The following SERGEF variants were observed in gnomAD, a reference collection of about 807,000 sequenced individuals.
SERGEF encodes the protein secretion-regulating guanine nucleotide exchange factor.
Under a neutral mutation model 50.0 loss-of-function variants are expected in SERGEF, and 51 were observed. That is an observed-to-expected ratio of 1.02 (90% CI 0.81 to 1.29). The LOEUF is 1.29. SERGEF is among the 50% of genes most tolerant of loss of function. SERGEF has a pLI of 0.00. For missense variants in SERGEF, 521 were observed against 557.0 expected, an observed-to-expected ratio of 0.94 and a Z score of 0.65; for synonymous variants, 205 against 212.4, an observed-to-expected ratio of 0.97 and a Z score of 0.30.
intron 10 of SERGEF, among the ~76,000 whole-genome samples, chr11:17,802,877 CATATACTT>C (rs1398484229): frequency 1.3e-5 from 2 of 152,236 alleles, no homozygotes; most frequent in African/African-American, 4.8e-5. Context: ...AATACCCTAT[CATATACTT>C]TTGTTTGTCT....
intron 8 of SERGEF, among the ~76,000 whole-genome samples, chr11:17,976,231 G>A (rs897072184): frequency 2.0e-5 from 3 of 152,018 alleles, no homozygotes; most frequent in Admixed American, 6.6e-5. Flanking sequence ...CCTCAGAATG[G>A]GCTGCTTTCA....
intron 10 of SERGEF, among the ~76,000 whole-genome samples, chr11:17,812,277 G>A (rs554003895): frequency 6.6e-6 from 1 of 152,336 alleles, no homozygotes; most frequent in East Asian, 1.9e-4. Context: ...CCCCTTAAGA[G>A]GGGTAGGCAC....
intron 8 of SERGEF, among the ~76,000 whole-genome samples, chr11:17,982,687 T>G (rs1853517244): frequency 6.6e-6 from 1 of 152,226 alleles, no homozygotes; most frequent in South Asian, 2.1e-4. Context: ...AAACTCAGTT[T>G]AGTGTGAATC....
intron 10 of SERGEF, among the ~76,000 whole-genome samples, chr11:17,808,489 C>T (rs537353875): frequency 1.1e-4 from 17 of 152,142 alleles, no homozygotes; most frequent in African/African-American, 3.9e-4. Flanking sequence ...CACTTATAAC[C>T]AAGGAGATGA....
At chr11:17,819,381 T>G (rs1372128507) in intron 10 of SERGEF, among the ~76,000 whole-genome samples, 2 of 152,212 alleles carry the variant, frequency 1.3e-5, no homozygotes, top group African/African-American at 4.8e-5. Flanking sequence ...GTTTTTTGAT[T>G]AAATGAAAGT....
At chr11:17,803,250 C>T (rs551208901) in intron 10 of SERGEF, among the ~76,000 whole-genome samples, 1 of 152,374 alleles carries the variant, frequency 6.6e-6, no homozygotes, top group East Asian at 1.9e-4. Flanking sequence ...AGAGGTTGAA[C>T]AGACCACCTC....
intron 8 of SERGEF, among the ~76,000 whole-genome samples, chr11:17,978,101 C>A (rs1027063125): frequency 9.9e-5 from 15 of 152,098 alleles, no homozygotes; most frequent in Non-Finnish European, 1.6e-4. Flanking sequence ...TTTATACAAG[C>A]CACTTAGCCT....
chr11:17,865,674 A>T (rs1223322004), intron 10 of SERGEF, among the ~76,000 whole-genome samples: 4 of 152,154 alleles, frequency 2.6e-5, no homozygotes, highest in Non-Finnish European at 4.4e-5. Context: ...AAAATATATT[A>T]AAAAATATTT....
chr11:17,996,709 A>T (rs1853844509), intron 5 of SERGEF, among the ~76,000 whole-genome samples: 1 of 152,208 alleles, frequency 6.6e-6, no homozygotes, highest in Non-Finnish European at 1.5e-5. Context: ...CTATAAACAG[A>T]CAAGCCTGTT....
At chr11:17,814,734 C>A (rs566019503) in intron 10 of SERGEF, among the ~76,000 whole-genome samples, 4 of 152,330 alleles carry the variant, frequency 2.6e-5, no homozygotes, top group African/African-American at 9.6e-5. Flanking sequence ...TGGAATTTCT[C>A]TTAAGAACTC....
chr11:17,793,888 G>A (rs1245052058), intron 10 of SERGEF, among the ~76,000 whole-genome samples: 1 of 152,238 alleles, frequency 6.6e-6, no homozygotes, highest in Non-Finnish European at 1.5e-5. Flanking sequence ...GTCAGCCTAA[G>A]AGCCCTGCAG....
At chr11:18,007,920 T>C (rs748202625) in intron 2 of SERGEF, 21 bp downstream of exon 2, 2 of 1,601,134 alleles carry the variant, frequency 1.2e-6, no homozygotes, top group Admixed American at 3.4e-5. Flanking sequence ...TGAGTGACTA[T>C]CTACTTTTGA....
intron 9 of SERGEF, among the ~76,000 whole-genome samples, chr11:17,927,326 T>C (rs542259004): frequency 2.6e-5 from 4 of 152,304 alleles, no homozygotes; most frequent in African/African-American, 9.6e-5. Flanking sequence ...AGGCTCTGCT[T>C]AAGATCCCGT....
At chr11:17,966,217 C>T (rs1436694844) in intron 8 of SERGEF, among the ~76,000 whole-genome samples, 1 of 151,072 alleles carries the variant, frequency 6.6e-6, no homozygotes, top group East Asian at 1.9e-4. Flanking sequence ...ATGTACGAGA[C>T]AAAACAAATT....
intron 6 of SERGEF, 27 bp downstream of exon 6, chr11:17,995,769 A>G (rs1853824828): frequency 4.2e-6 from 6 of 1,441,444 alleles, no homozygotes; most frequent in Non-Finnish European, 5.9e-6. Context: ...AAGAACAAAT[A>G]TAGGACTAAA....
Position 17,850,472 on chromosome 11 carries a change from G to A in SERGEF, c.1048+27736C>T, listed in dbSNP as rs1008755094. ...GTAAAAGACCCAGACAGACATATGG[G>A]TTGTTATTAGAGTCCTGAACAGCAC... On this transcript the variant is annotated intron_variant, in intron 10 of 10. Transcript: ENST00000265965. 4.9e-4 allele frequency among the ~76,000 whole-genome samples: 75 copies of A among 152,174 alleles called. 1 individual carries two copies. Among genetic ancestry groups the A allele is most frequent in the Non-Finnish European group, 1.6e-4 (11 of 68,028 alleles).
At chr11:17,867,108 C>G (rs1032613251) in intron 10 of SERGEF, among the ~76,000 whole-genome samples, 3 of 152,230 alleles carry the variant, frequency 2.0e-5, no homozygotes, top group African/African-American at 7.2e-5. Flanking sequence ...CAAAACCAAT[C>G]ATGTTTTCTT....
At chr11:17,995,773 G>T in intron 6 of SERGEF, 23 bp downstream of exon 6, 1 of 1,455,468 alleles carries the variant, frequency 6.9e-7, no homozygotes, top group Non-Finnish European at 9.6e-7. Flanking sequence ...ACAAATATAG[G>T]ACTAAAGAAA....
intron 9 of SERGEF, among the ~76,000 whole-genome samples, chr11:17,913,959 A>C (rs561604921): frequency 6.6e-6 from 1 of 152,358 alleles, no homozygotes; most frequent in African/African-American, 2.4e-5. Context: ...TCATTTGATT[A>C]ATAACCATTC....
Sources: gnomAD v4.1 joint callset for allele counts (sites outside exome capture counted in the v4.1 genomes callset) on GRCh38, gnomAD v4.1.1 for gene constraint, MANE v1.5 for transcripts, NCBI Gene and HGNC (gene_info 2026-07-23, HGNC 2026-07-21) for gene names.